Variants in FADS3 observed in about 807,000 individuals in gnomAD.
FADS3 encodes the protein fatty acid desaturase 3.
A neutral mutation model predicts 60.4 loss-of-function variants in FADS3; 30 were observed. The ratio of observed to expected loss-of-function variants is 0.50; its 90% confidence interval spans 0.37 to 0.67. The LOEUF (loss-of-function observed/expected upper bound fraction) is 0.67. Among genes scored for constraint, FADS3 ranks in the 30% least tolerant of loss-of-function variants. The pLI, the probability that FADS3 is intolerant of heterozygous loss-of-function variation, is 0.00. For synonymous variants in FADS3, 234 were observed against 249.3 expected (o/e 0.94, Z 0.58); for missense variants, 432 against 598.3 (o/e 0.72, Z 2.90).
chr11:61,875,871 GGT>G lies in FADS3; in HGVS notation c.1264_1265del (p.Thr422ArgfsTer14). Reference sequence around the variant, plus strand: ...CTCACCTGACGATGTCCACCAGCGCGGTGAGGAAGGGCTTCACTTCGTAGCTG... The same window carrying G: ...CTCACCTGACGATGTCCACCAGCGCGGAGGAAGGGCTTCACTTCGTAGCTG... The part of the protein sequence containing the change: ...GLSYEVKPFL[T>X]ALVDIVRSLK... On this transcript the variant is annotated frameshift_variant, in exon 11 of 12. Transcript: ENST00000278829. LOFTEE classifies it high-confidence loss of function. The G allele has an allele frequency of 6.2e-7, 1 of 1,613,474 alleles. No homozygotes were observed. Among genetic ancestry groups the G allele is most frequent in the Non-Finnish European group, 8.5e-7 (1 of 1,179,860 alleles).
intron 1 of FADS3, among the ~76,000 whole-genome samples, chr11:61,885,512 G>C (rs1938284553): frequency 6.6e-6 from 1 of 152,200 alleles, no homozygotes; most frequent in Non-Finnish European, 1.5e-5. Context: ...CCACTTAGAG[G>C]TAAGTGCCTG....
Position 61,876,871 on chromosome 11 carries a change from A to G in FADS3, c.978T>C (p.Ala326=). 6.2e-7 allele frequency: 1 copy of G among 1,609,028 alleles called. No homozygotes were observed. Among genetic ancestry groups the G allele is most frequent in the Non-Finnish European group, 8.5e-7 (1 of 1,178,238 alleles). The part of the protein sequence containing the change: ...GVPGVLLFFV[A]VRVLESHWFV... ...CTCGCCACTCCCTGCCATACCTGACAGCAACAAAGAAGAGCAGCACCCCAG... is the reference window on the plus strand; with the variant it reads ...CTCGCCACTCCCTGCCATACCTGACGGCAACAAAGAAGAGCAGCACCCCAG... The change falls in exon 8 of 12, where the codon GCT becomes GCC. Residue 326 remains alanine (A), a synonymous_variant. Coordinates refer to ENST00000278829, the MANE Select transcript of FADS3 (RefSeq NM_021727.5). This position sits in a 1 kb window ranked among gnomAD's most constrained non-coding sequence, Gnocchi z 5.7.
In FADS3 at chr11:61,876,509, G is replaced by A; in HGVS notation, c.984-54C>T. On this transcript the variant is annotated intron_variant, in intron 8 of 11. Transcript: ENST00000278829. The surrounding 1 kb of genome is among the most constrained non-coding windows in gnomAD (Gnocchi z 5.7). ...GTCCAGCTCACCACTTAGGCACCCT[G>A]AGTGGAGGCTGGAGAGCAGCTGTCC... 3.5e-6 allele frequency: 5 copies of A among 1,417,326 alleles called. No individual in the cohort carries two copies. The highest frequency in any genetic ancestry group is 5.0e-6 in the Non-Finnish European group (5 of 1,002,642). 87.8% of individuals were successfully genotyped at this position (1,417,326 alleles called of 1,614,324 possible).
At chr11:61,875,366 C>T (rs946199091) in intron 11 of FADS3, among the ~76,000 whole-genome samples, 3 of 148,816 alleles carry the variant, frequency 2.0e-5, no homozygotes, top group Admixed American at 6.9e-5. Flanking sequence ...GCCACCACAC[C>T]CAGCTAATTT....
Position 61,876,701 on chromosome 11 carries a change from C to A in FADS3, c.983+165G>T. ...GCCAGGCCACGCTCCCTAAACCCAC[C>A]GACCCTGGGCTCCTGCCACGCTTGT... On this transcript the variant is annotated intron_variant, in intron 8 of 11. Transcript: ENST00000278829. The surrounding 1 kb of genome is among the most constrained non-coding windows in gnomAD (Gnocchi z 5.7). 1.4e-6 allele frequency: 1 copy of A among 721,158 alleles called. No individual in the cohort carries two copies. Among genetic ancestry groups the A allele is most frequent in the Non-Finnish European group, 2.4e-6 (1 of 415,208 alleles). 44.7% of individuals were successfully genotyped at this position (721,158 alleles called of 1,614,324 possible).
intron 1 of FADS3, among the ~76,000 whole-genome samples, chr11:61,890,770 A>C (rs1228921642): frequency 6.6e-6 from 1 of 152,180 alleles, no homozygotes; most frequent in Non-Finnish European, 1.5e-5. Flanking sequence ...CTCTAATGGC[A>C]TGTCCTTACC....
In FADS3 at chr11:61,878,651, G is replaced by A. The variant is rs775454512; in HGVS notation, c.625-17C>T. On this transcript the variant is annotated splice_polypyrimidine_tract_variant and intron_variant, in intron 4 of 11. Transcript: ENST00000278829. ...GGAGAAGCCCTGTGGAGGAGGAGGG[G>A]GCTCTCAGGGCAGGCTGTGCCCCCG... 9.3e-6 allele frequency: 15 copies of A among 1,613,848 alleles called. No homozygotes were observed. In the South Asian group the frequency reaches 1.6e-4, roughly 18 times the overall value.
At chr11:61,888,710 C>A (rs174456) in intron 1 of FADS3, among the ~76,000 whole-genome samples, 90,403 of 152,008 alleles carry the variant, frequency 0.59, 30,029 homozygotes, top group Non-Finnish European at 0.75. Context: ...AAACTACTAC[C>A]TGGCAGCCCT....
At position 61,876,246 on chromosome 11, in the gene FADS3, C is replaced by A. The variant is rs1005239130; in HGVS notation, c.1081-56G>T. ...AGGCCGTTGCAGATCCCTGACCCCACGGCACCATCCCCCACCTGGCAGCCC... is the reference window on the plus strand; with the variant it reads ...AGGCCGTTGCAGATCCCTGACCCCAAGGCACCATCCCCCACCTGGCAGCCC... On this transcript the variant is annotated intron_variant, in intron 9 of 11. Coordinates refer to ENST00000278829, the MANE Select transcript of FADS3 (RefSeq NM_021727.5). This position sits in a 1 kb window ranked among gnomAD's most constrained non-coding sequence, Gnocchi z 5.7. 1.3e-6 allele frequency: 2 copies of A among 1,572,950 alleles called. No homozygotes were observed. The highest frequency in any genetic ancestry group is 1.4e-5 in the African/African-American group (1 of 74,024).
rs975291880 is a variant in FADS3 at position 61,876,373 on chromosome 11, A to C, written c.1066T>G (p.Trp356Gly). 6.2e-7 allele frequency: 1 copy of C among 1,611,428 alleles called. No homozygotes were observed. Among genetic ancestry groups the C allele is most frequent in the Non-Finnish European group, 8.5e-7 (1 of 1,179,336 alleles). ...CTGCTGCCCACCTGAGAGCTGACCC[A>C]GTCCCGGTGCTTCTCGTGGCCGATC... ...KEIGHEKHRD[W>G]VSSQLAATCN... The change falls in exon 9 of 12, where the codon TGG (tryptophan) becomes GGG (glycine). Residue 356 changes from tryptophan (W) to glycine (G), a missense_variant. By Grantham distance (184) the Trp-to-Gly change is radical (BLOSUM62 -2). This residue lies in a region of FADS3 where 48 missense variants were observed against 101.3 expected (regional missense o/e 0.47). Coordinates refer to ENST00000278829, the MANE Select transcript of FADS3 (RefSeq NM_021727.5). This position sits in a 1 kb window ranked among gnomAD's most constrained non-coding sequence, Gnocchi z 5.7.
chr11:61,878,901 C>A (rs897966267), intron 3 of FADS3, 54 bp from the exon 4 acceptor site: 8 of 1,534,038 alleles, frequency 5.2e-6, no homozygotes, highest in Non-Finnish European at 7.1e-6. Flanking sequence ...CCCGCCAGGG[C>A]CTGGGGCCCC....
At chr11:61,887,167 C>T (rs1938345615) in intron 1 of FADS3, among the ~76,000 whole-genome samples, 1 of 152,384 alleles carries the variant, frequency 6.6e-6, no homozygotes, top group Non-Finnish European at 1.5e-5. Context: ...GAAACTGAGA[C>T]CCAGAAGTGA....
At chr11:61,878,662 C>T (rs751900081) in intron 4 of FADS3, 28 bp from the exon 5 acceptor site, 3 of 1,613,156 alleles carry the variant, frequency 1.9e-6, no homozygotes, top group East Asian at 2.2e-5. Context: ...GCTCTCAGGG[C>T]AGGCTGTGCC....
At chr11:61,888,898 T>C (rs1486361318) in intron 1 of FADS3, among the ~76,000 whole-genome samples, 2 of 150,074 alleles carry the variant, frequency 1.3e-5, no homozygotes, top group Non-Finnish European at 2.9e-5. Context: ...AGAGATGTTT[T>C]TTGTTTGTTT....
rs1937973013 is a variant in FADS3, at chr11:61,877,986, G to A, written c.808+169C>T. ...CGGGAGACAGCTGGGGCAAAGGCATGCTGCTGGGAGAGTGTGTACAGACTG... is the reference window on the plus strand; with the variant it reads ...CGGGAGACAGCTGGGGCAAAGGCATACTGCTGGGAGAGTGTGTACAGACTG... On this transcript the variant is annotated intron_variant, in intron 6 of 11. Transcript: ENST00000278829. This position sits in a 1 kb window ranked among gnomAD's most constrained non-coding sequence, Gnocchi z 4.7. 1.5e-6 allele frequency: 1 copy of A among 670,100 alleles called. No homozygotes were observed. The highest frequency in any genetic ancestry group is 1.8e-5 in the South Asian group (1 of 57,048). The allele number at this position is 670,100 out of a possible 1,614,324, so 41.5% of individuals were successfully genotyped here.
intron 5 of FADS3, 42 bp from the exon 6 acceptor site, chr11:61,878,257 C>A (rs756176569): frequency 2.5e-6 from 4 of 1,598,424 alleles, no homozygotes; most frequent in East Asian, 2.2e-5. Flanking sequence ...GCTCTCCAGG[C>A]CACCTCCTTC....
At chr11:61,886,832 G>A (rs1938336044) in intron 1 of FADS3, among the ~76,000 whole-genome samples, 1 of 152,232 alleles carries the variant, frequency 6.6e-6, no homozygotes. Flanking sequence ...CAATTACTAT[G>A]AAGCAGCCTC....
At chr11:61,884,223 A>G (rs1029203671) in intron 1 of FADS3, among the ~76,000 whole-genome samples, 3 of 152,186 alleles carry the variant, frequency 2.0e-5, no homozygotes, top group Admixed American at 6.5e-5. Flanking sequence ...ATCAGAGTCC[A>G]GGTCTCTTCT....
chr11:61,882,006 T>C (rs1414919622), intron 1 of FADS3: 10 of 150,912 alleles, frequency 6.6e-5, no homozygotes, highest in Admixed American at 6.6e-4. Context: ...CAGGAAGCTG[T>C]CTGGGCCCCC....
Sources: allele counts gnomAD v4.1 joint callset (sites outside exome capture counted in the v4.1 genomes callset), GRCh38; gene constraint gnomAD v4.1.1; regional missense constraint gnomAD v4.1.1; non-coding constraint Gnocchi (gnomAD v3.1); transcripts MANE v1.5; gene names NCBI Gene and HGNC (gene_info 2026-07-23, HGNC 2026-07-21).